Variants in LTAP1 observed in about 807,000 individuals in gnomAD.
The protein encoded by LTAP1 is lipid transport auxiliary protein 1.
At chr1:154,217,778 G>C in the LTAP1 span, among the ~76,000 whole-genome samples, 1 of 152,038 alleles carries the variant, frequency 6.6e-6, no homozygotes, top group African/African-American at 2.4e-5. Flanking sequence ...CCTAAGTGCT[G>C]GGATTACCGG....
chr1:154,216,622 C>T, the LTAP1 span, among the ~76,000 whole-genome samples: 2 of 152,066 alleles, frequency 1.3e-5, no homozygotes, highest in South Asian at 2.1e-4. Flanking sequence ...TCTCCTTGCC[C>T]TCCTGCCTCA....
At chr1:154,218,272 C>A in the LTAP1 span, among the ~76,000 whole-genome samples, 3 of 152,200 alleles carry the variant, frequency 2.0e-5, no homozygotes, top group African/African-American at 7.2e-5. Flanking sequence ...TCTTACCAGA[C>A]AATGACCAGT....
At chr1:154,218,152 C>G in the LTAP1 span, among the ~76,000 whole-genome samples, 1 of 152,160 alleles carries the variant, frequency 6.6e-6, no homozygotes, top group African/African-American at 2.4e-5. Flanking sequence ...ATATTATGAA[C>G]AATGCCCCTA....
chr1:154,212,845 A>G, the LTAP1 span: 1 of 514,146 alleles, frequency 1.9e-6, no homozygotes, highest in Non-Finnish European at 3.5e-6. Context: ...TATTTTTAGT[A>G]GAGACAAAAA....
the LTAP1 span, chr1:154,207,061 C>A: frequency 1.7e-5 from 3 of 180,646 alleles, no homozygotes; most frequent in South Asian, 3.3e-4. Context: ...TTCAACTGTG[C>A]ACAAAGGTAT....
the LTAP1 span, among the ~76,000 whole-genome samples, chr1:154,216,773 C>G: frequency 2.6e-5 from 4 of 152,020 alleles, no homozygotes; most frequent in Middle Eastern, 3.2e-3. Context: ...GTGGGCCTCC[C>G]AAAGTGCTGG....
chr1:154,216,657 G>A, the LTAP1 span, among the ~76,000 whole-genome samples: 1 of 152,052 alleles, frequency 6.6e-6, no homozygotes. Context: ...TGGGACTACA[G>A]GCGCATGCCA....
At chr1:154,207,609 C>T in the LTAP1 span, 2 of 1,612,510 alleles carry the variant, frequency 1.2e-6, no homozygotes, top group Non-Finnish European at 8.5e-7. Flanking sequence ...TGGCTGCTGA[C>T]TGGTGATGTC....
At chr1:154,208,854 G>A in the LTAP1 span, among the ~76,000 whole-genome samples, 1 of 152,178 alleles carries the variant, frequency 6.6e-6, no homozygotes, top group African/African-American at 2.4e-5. Context: ...AGGTTGAAGC[G>A]ACCTGTCTCG....
chr1:154,209,905 T>C, the LTAP1 span, among the ~76,000 whole-genome samples: 4 of 151,870 alleles, frequency 2.6e-5, no homozygotes, highest in African/African-American at 7.3e-5. Flanking sequence ...TTTTTATTTT[T>C]AGTAGAGACA....
the LTAP1 span, chr1:154,220,569 G>C: frequency 5.8e-6 from 4 of 690,920 alleles, no homozygotes; most frequent in Non-Finnish European, 1.0e-5. Context: ...ATGGCGGACA[G>C]GCAGGAGAGC....
the LTAP1 span, chr1:154,207,545 G>A: frequency 6.2e-7 from 1 of 1,614,138 alleles, no homozygotes; most frequent in Middle Eastern, 1.6e-4. Context: ...CTGGAGGGGA[G>A]GTATGTCACC....
chr1:154,212,203 G>A, the LTAP1 span: 8 of 1,132,780 alleles, frequency 7.1e-6, no homozygotes, highest in Admixed American at 1.4e-4. Flanking sequence ...TCTAGAACCT[G>A]ACAACTCTTA....
At chr1:154,209,604 C>T in the LTAP1 span, among the ~76,000 whole-genome samples, 8 of 150,678 alleles carry the variant, frequency 5.3e-5, no homozygotes, top group Non-Finnish European at 8.9e-5. Context: ...AATTTTTTTT[C>T]GAGATGGAGT....
the LTAP1 span, among the ~76,000 whole-genome samples, chr1:154,212,980 T>C: frequency 6.6e-6 from 1 of 152,078 alleles, no homozygotes; most frequent in African/African-American, 2.4e-5. Context: ...CCCCATTCTT[T>C]AGTCTTTCTA....
chr1:154,214,704 AT>A, the LTAP1 span: 3 of 617,764 alleles, frequency 4.9e-6, no homozygotes, highest in Non-Finnish European at 8.5e-6. Flanking sequence ...AGTTAATAAA[AT>A]TACCAGATAA....
the LTAP1 span, among the ~76,000 whole-genome samples, chr1:154,210,792 G>A: frequency 6.6e-6 from 1 of 151,160 alleles, no homozygotes; most frequent in South Asian, 2.1e-4. Flanking sequence ...TTTTACTCTA[G>A]ATTGGCTTTC....
chr1:154,214,968 C>T, the LTAP1 span, among the ~76,000 whole-genome samples: 1 of 151,926 alleles, frequency 6.6e-6, no homozygotes, highest in Non-Finnish European at 1.5e-5. Flanking sequence ...CCTCAGCCTC[C>T]AGAGTAGCTG....
the LTAP1 span, chr1:154,212,373 A>G: frequency 6.2e-7 from 1 of 1,614,190 alleles, no homozygotes; most frequent in Non-Finnish European, 8.5e-7. Flanking sequence ...CATTCTGGCC[A>G]AAGACCTTAG....
Sources: allele counts gnomAD v4.1 joint callset (sites outside exome capture counted in the v4.1 genomes callset), GRCh38; gene constraint gnomAD v4.1.1; transcripts MANE v1.5; gene names NCBI Gene and HGNC (gene_info 2026-07-23, HGNC 2026-07-21).